The following MAGI2 variants were observed in gnomAD, a reference collection of about 807,000 sequenced individuals.
The protein encoded by MAGI2 is membrane-associated guanylate kinase, WW and PDZ domain-containing protein 2.
In MAGI2, 35 loss-of-function variants were observed where a neutral mutation model predicts 133.3. That is an observed-to-expected ratio of 0.26 (90% CI 0.20 to 0.35). The LOEUF (loss-of-function observed/expected upper bound fraction) is 0.35. Among genes scored for constraint, MAGI2 ranks in the 10% least tolerant of loss-of-function variants. The pLI is 1.00. For missense variants in MAGI2, 1,636 were observed against 1,863.4 expected, an observed-to-expected ratio of 0.88 and a Z score of 2.25; for synonymous variants, 729 against 710.6, an observed-to-expected ratio of 1.03 and a Z score of -0.41.
At chr7:78,564,634 A>C (rs981821851) in intron 3 of MAGI2, among the ~76,000 whole-genome samples, 33 of 152,128 alleles carry the variant, frequency 2.2e-4, no homozygotes, top group African/African-American at 7.5e-4. Flanking sequence ...GTGATTAGAA[A>C]ATGACCTCAA....
At chr7:78,282,390 A>ATTTTTGCAAATAAAG (rs1795702485) in intron 9 of MAGI2, among the ~76,000 whole-genome samples, 1 of 152,192 alleles carries the variant, frequency 6.6e-6, no homozygotes, top group Non-Finnish European at 1.5e-5. Flanking sequence ...CACACTGCCT[A>ATTTTTGCAAATAAAG]TTTTTGCAAA....
At chr7:78,784,216 T>C (rs553252146) in intron 2 of MAGI2, among the ~76,000 whole-genome samples, 10 of 151,804 alleles carry the variant, frequency 6.6e-5, no homozygotes, top group Non-Finnish European at 1.5e-4. Context: ...TTTTTTTTTT[T>C]CTTACTAATG....
intron 1 of MAGI2, among the ~76,000 whole-genome samples, chr7:79,018,805 A>G (rs1306474343): frequency 1.3e-5 from 2 of 152,204 alleles, no homozygotes; most frequent in Non-Finnish European, 2.9e-5. Context: ...AGGGCATTAC[A>G]TAAAGGTAGA....
At chr7:78,390,243 G>T (rs1260490818) in intron 6 of MAGI2, among the ~76,000 whole-genome samples, 1 of 152,012 alleles carries the variant, frequency 6.6e-6, no homozygotes, top group African/African-American at 2.4e-5. Context: ...ATGTTTTCAG[G>T]AAAATACATA....
intron 2 of MAGI2, among the ~76,000 whole-genome samples, chr7:78,831,073 C>A (rs908798301): frequency 8.4e-6 from 1 of 118,516 alleles, no homozygotes; most frequent in Admixed American, 9.2e-5. Context: ...TTCTTATCAA[C>A]ATTTTTTCCC....
intron 6 of MAGI2, among the ~76,000 whole-genome samples, chr7:78,440,830 G>A (rs1787548428): frequency 6.6e-6 from 1 of 152,092 alleles, no homozygotes; most frequent in Non-Finnish European, 1.5e-5. Context: ...GTGGGTGCCT[G>A]TAGTCCCAGC....
intron 2 of MAGI2, among the ~76,000 whole-genome samples, chr7:78,746,191 C>T (rs1475724793): frequency 6.6e-6 from 1 of 152,152 alleles, no homozygotes; most frequent in Non-Finnish European, 1.5e-5. Flanking sequence ...TAATTGTTCT[C>T]AAAGAGCAAT....
intron 2 of MAGI2, among the ~76,000 whole-genome samples, chr7:78,779,278 A>G (rs1826220797): frequency 6.6e-6 from 1 of 152,058 alleles, no homozygotes; most frequent in Admixed American, 6.5e-5. Context: ...ATCATTGTCC[A>G]TGTGTCACCT....
At chr7:78,271,788 C>A (rs185721047) in intron 9 of MAGI2, among the ~76,000 whole-genome samples, 1 of 152,026 alleles carries the variant, frequency 6.6e-6, no homozygotes, top group Non-Finnish European at 1.5e-5. Context: ...TCTGTGGGAT[C>A]GGTGGTGATA....
At chr7:78,469,064 C>T (rs537815294) in intron 6 of MAGI2, among the ~76,000 whole-genome samples, 8 of 152,246 alleles carry the variant, frequency 5.3e-5, no homozygotes, top group Non-Finnish European at 8.8e-5. Context: ...TATTCTCAAT[C>T]GTCTGGGGAA....
chr7:79,235,320 A>C (rs1275211773), intron 1 of MAGI2, among the ~76,000 whole-genome samples: 4 of 152,136 alleles, frequency 2.6e-5, no homozygotes, highest in Non-Finnish European at 4.4e-5. Flanking sequence ...GGTGGGCTCC[A>C]CCCAGTTCGA....
At chr7:79,389,907 A>G (rs757924665) in intron 1 of MAGI2, among the ~76,000 whole-genome samples, 1 of 152,148 alleles carries the variant, frequency 6.6e-6, no homozygotes, top group Non-Finnish European at 1.5e-5. Context: ...ACTCCTATGC[A>G]AAACTGAGAT....
chr7:78,428,662 C>T (rs1056161190), intron 6 of MAGI2, among the ~76,000 whole-genome samples: 3 of 152,158 alleles, frequency 2.0e-5, no homozygotes, highest in Admixed American at 6.6e-5. Context: ...AACTGCCTGC[C>T]GTGCCCAAGC....
At chr7:79,178,711 C>CA (rs946908429) in intron 1 of MAGI2, among the ~76,000 whole-genome samples, 206 of 135,176 alleles carry the variant, frequency 1.5e-3, no homozygotes, top group Non-Finnish European at 1.2e-3. Flanking sequence ...GACTCCATTT[C>CA]AAAAAAAAAA....
intron 5 of MAGI2, among the ~76,000 whole-genome samples, chr7:78,492,044 T>G (rs147018040): frequency 2.0e-5 from 3 of 152,036 alleles, no homozygotes; most frequent in African/African-American, 2.4e-5. Flanking sequence ...GAAAAGTCAT[T>G]TCTAGGCTCC....
chr7:78,841,704 C>A (rs560942929), intron 2 of MAGI2, among the ~76,000 whole-genome samples: 19 of 152,012 alleles, frequency 1.2e-4, no homozygotes, highest in Non-Finnish European at 1.5e-5. Context: ...CTCATATTTT[C>A]TGCATATTCA....
intron 2 of MAGI2, among the ~76,000 whole-genome samples, chr7:78,781,380 CAAAAA>C (rs748533885): frequency 9.9e-6 from 1 of 101,028 alleles, no homozygotes. Flanking sequence ...CTCCGTCTCA[CAAAAA>C]AAAAAAAAAA....
intron 1 of MAGI2, among the ~76,000 whole-genome samples, chr7:79,351,290 T>G (rs949120714): frequency 1.3e-5 from 2 of 152,148 alleles, no homozygotes; most frequent in Non-Finnish European, 2.9e-5. Context: ...CATTCTGTTT[T>G]GTCTTGGTAT....
intron 2 of MAGI2, among the ~76,000 whole-genome samples, chr7:78,881,845 A>G (rs762801144): frequency 1.3e-5 from 2 of 151,980 alleles, no homozygotes; most frequent in African/African-American, 4.8e-5. Flanking sequence ...TCAGGAAGTC[A>G]GAAAGATTTC....
Sources: allele counts gnomAD v4.1 joint callset (sites outside exome capture counted in the v4.1 genomes callset), GRCh38; gene constraint gnomAD v4.1.1; transcripts MANE v1.5; gene names NCBI Gene and HGNC (gene_info 2026-07-23, HGNC 2026-07-21).